PREX2: variants seen among roughly 807,000 people sequenced by gnomAD.
The protein encoded by PREX2 is phosphatidylinositol 3,4,5-trisphosphate-dependent Rac exchanger 2 protein.
A neutral mutation model predicts 203.2 loss-of-function variants in PREX2; 107 were observed. That is an observed-to-expected ratio of 0.53 (90% confidence interval 0.45 to 0.62). The LOEUF is 0.62. Ranked by LOEUF, PREX2 falls within the 20% of genes least tolerant of loss-of-function variation. The pLI, the probability that PREX2 is intolerant of heterozygous loss-of-function variation, is 0.00. For missense variants in PREX2, 1,777 were observed against 1,955.9 expected, an observed-to-expected ratio of 0.91 and a Z score of 1.72; for synonymous variants, 672 against 663.6, an observed-to-expected ratio of 1.01 and a Z score of -0.19.
At position 68,008,720 on chromosome 8, in the gene PREX2, T is replaced by C. The variant is rs553470211; in HGVS notation, c.142-9126T>C. Reference sequence around the variant, plus strand: ...TAGAATCATGGGGGCATGTCTTTTCTGTACTGTTTTTGTGATAGTGAATAA... The same window carrying C: ...TAGAATCATGGGGGCATGTCTTTTCCGTACTGTTTTTGTGATAGTGAATAA... On this transcript the variant is annotated intron_variant, in intron 1 of 39. Transcript: ENST00000288368. 6.6e-5 allele frequency among the ~76,000 whole-genome samples: 10 copies of C among 152,248 alleles called. No individual in the cohort carries two copies. The East Asian group carries it at 1.9e-3, about 30-fold the overall frequency.
At chr8:68,167,889 TATG>T (rs765286241) in intron 35 of PREX2, among the ~76,000 whole-genome samples, 3 of 152,182 alleles carry the variant, frequency 2.0e-5, no homozygotes, top group Non-Finnish European at 2.9e-5. Context: ...GTTCTTAAAA[TATG>T]ATCCCGAGAC....
chr8:68,121,614 G>A (rs1306689976), intron 30 of PREX2, among the ~76,000 whole-genome samples: 4 of 152,118 alleles, frequency 2.6e-5, no homozygotes, highest in Non-Finnish European at 5.9e-5. Context: ...ATTGCATGTT[G>A]TTTAGAATCA....
chr8:68,146,860 A>G (rs953872762), intron 34 of PREX2, among the ~76,000 whole-genome samples: 1 of 152,200 alleles, frequency 6.6e-6, no homozygotes, highest in African/African-American at 2.4e-5. Flanking sequence ...CAGAAAATAT[A>G]TATTCCTTTG....
chr8:68,096,626 A>G (rs1332683696), intron 21 of PREX2, among the ~76,000 whole-genome samples: 1 of 151,990 alleles, frequency 6.6e-6, no homozygotes, highest in Non-Finnish European at 1.5e-5. Flanking sequence ...TTCTTTATGG[A>G]TTTTTTTCCT....
rs1811651303 is a variant in PREX2, at chr8:68,161,397, A to G, written c.4346+3961A>G. 2.0e-5 allele frequency among the ~76,000 whole-genome samples: 3 copies of G among 152,146 alleles called. No homozygotes were observed. The South Asian group carries it at 6.2e-4, about 32-fold the overall frequency. On this transcript the variant is annotated intron_variant, in intron 35 of 39. Coordinates refer to ENST00000288368, the MANE Select transcript of PREX2 (RefSeq NM_024870.4). ...CGTGAGCCACCATGCCTGGCCTAAA[A>G]TTTTCTATTAGAGAGCAGAACAATG...
intron 22 of PREX2, 103 bp downstream of exon 22, chr8:68,097,304 A>G: frequency 5.6e-6 from 5 of 888,746 alleles, no homozygotes; most frequent in Non-Finnish European, 8.2e-6. Flanking sequence ...TACATGTTGC[A>G]GCTGTCAGCT....
chr8:68,159,880 T>C (rs1237152931), intron 35 of PREX2, among the ~76,000 whole-genome samples: 1 of 152,186 alleles, frequency 6.6e-6, no homozygotes, highest in Non-Finnish European at 1.5e-5. Flanking sequence ...AGAAATGTGA[T>C]ACAGAGAAAG....
chr8:68,230,234 A>G (rs748501722), intron 39 of PREX2, among the ~76,000 whole-genome samples: 1 of 152,208 alleles, frequency 6.6e-6, no homozygotes, highest in Non-Finnish European at 1.5e-5. Context: ...GGGAGAGGAA[A>G]TTTATAATTT....
intron 18 of PREX2, among the ~76,000 whole-genome samples, chr8:68,085,231 A>G (rs1223876700): frequency 6.6e-6 from 1 of 152,186 alleles, no homozygotes; most frequent in Middle Eastern, 3.2e-3. Context: ...GTAAGTACCC[A>G]GTGATGTTAT....
chr8:67,996,777 A>G (rs562085667), intron 1 of PREX2, among the ~76,000 whole-genome samples: 4 of 152,192 alleles, frequency 2.6e-5, no homozygotes, highest in South Asian at 4.1e-4. Context: ...TACCTTATAC[A>G]TATATGTCTA....
chr8:67,971,141 A>G (rs1216096132), intron 1 of PREX2, among the ~76,000 whole-genome samples: 1 of 152,132 alleles, frequency 6.6e-6, no homozygotes, highest in Non-Finnish European at 1.5e-5. Context: ...TTTAGGACTA[A>G]TTAGTAGACA....
At chr8:67,985,211 C>T (rs1400217623) in intron 1 of PREX2, among the ~76,000 whole-genome samples, 1 of 152,152 alleles carries the variant, frequency 6.6e-6, no homozygotes, top group Non-Finnish European at 1.5e-5. Context: ...GAATACTCAT[C>T]AGCATTTGGT....
At position 68,192,421 on chromosome 8, in the gene PREX2, C is replaced by T; in HGVS notation, c.4500C>T (p.Asn1500=). 1 of 1,614,118 alleles carries T rather than the reference C, an allele frequency of 6.2e-7. No homozygotes were observed. ...CCAAGCGCACAGCTGCCTGTGCAAACACAGCTTGCAGTGCTTCTGGGGTTG... is the reference window on the plus strand; with the variant it reads ...CCAAGCGCACAGCTGCCTGTGCAAATACAGCTTGCAGTGCTTCTGGGGTTG... ...IRSKRTAACA[N]TACSASGVGL... The change falls in exon 37 of 40, where the codon AAC becomes AAT. Residue 1500 remains asparagine (N), a synonymous_variant. Coordinates refer to ENST00000288368, the MANE Select transcript of PREX2 (RefSeq NM_024870.4).
At chr8:68,030,775 G>A in intron 6 of PREX2, 117 bp downstream of exon 6, 1 of 959,748 alleles carries the variant, frequency 1.0e-6, no homozygotes, top group Non-Finnish European at 1.6e-6. Flanking sequence ...ATTACTTGAG[G>A]ACTGTAGTCA....
At chr8:68,050,319 G>A (rs1585738262) in intron 8 of PREX2, among the ~76,000 whole-genome samples, 1 of 151,996 alleles carries the variant, frequency 6.6e-6, no homozygotes, top group East Asian at 1.9e-4. Flanking sequence ...ACGGTTCTGT[G>A]GGCTGTTTAG....
At chr8:68,019,447 A>G (rs2129610210) in intron 2 of PREX2, 102 bp from the exon 3 acceptor site, 2 of 877,986 alleles carry the variant, frequency 2.3e-6, no homozygotes, top group East Asian at 2.9e-5. Context: ...GGAGGAAGGC[A>G]TGGATGTATG....
At chr8:68,229,904 A>G (rs1813132683) in intron 39 of PREX2, among the ~76,000 whole-genome samples, 1 of 152,202 alleles carries the variant, frequency 6.6e-6, no homozygotes, top group Admixed American at 6.5e-5. Flanking sequence ...AAGTAACACC[A>G]TATTCTTCAG....
At chr8:67,983,968 C>A (rs1436201559) in intron 1 of PREX2, among the ~76,000 whole-genome samples, 1 of 150,078 alleles carries the variant, frequency 6.7e-6, no homozygotes, top group Admixed American at 6.6e-5. Context: ...CATAGTAGTG[C>A]ACATCAATCT....
chr8:68,006,548 C>T (rs1464773430), intron 1 of PREX2, among the ~76,000 whole-genome samples: 1 of 152,120 alleles, frequency 6.6e-6, no homozygotes, highest in East Asian at 1.9e-4. Context: ...ATGTCATCTC[C>T]CTAGAGTGAA....
Sources: gnomAD v4.1 joint callset for allele counts (sites outside exome capture counted in the v4.1 genomes callset) on GRCh38, gnomAD v4.1.1 for gene constraint, MANE v1.5 for transcripts, NCBI Gene and HGNC (gene_info 2026-07-23, HGNC 2026-07-21) for gene names.